Variants in RRM1 observed in about 807,000 individuals in gnomAD.
The protein encoded by RRM1 is ribonucleotide reductase catalytic subunit M1, also known as ribonucleoside-diphosphate reductase large subunit.
A neutral mutation model predicts 101.5 loss-of-function variants in RRM1; 19 were observed. That is an observed-to-expected ratio of 0.19 (90% CI 0.13 to 0.27). RRM1 has a LOEUF of 0.27. RRM1 is among the 10% of genes least tolerant of loss of function. The pLI is 1.00. For missense variants in RRM1, 500 were observed against 962.9 expected, an observed-to-expected ratio of 0.52 and a Z score of 6.36; for synonymous variants, 298 against 323.4, an observed-to-expected ratio of 0.92 and a Z score of 0.84.
intron 9 of RRM1, among the ~76,000 whole-genome samples, chr11:4,120,514 G>GC (rs1409174421): frequency 6.6e-6 from 1 of 151,956 alleles, no homozygotes; most frequent in African/African-American, 2.4e-5. Flanking sequence ...ATAGGCCTGT[G>GC]CCACCACACC....
At chr11:4,100,194 G>A (rs1381955761) in intron 1 of RRM1, among the ~76,000 whole-genome samples, 1 of 152,244 alleles carries the variant, frequency 6.6e-6, no homozygotes, top group African/African-American at 2.4e-5. Context: ...TGGGTTAATA[G>A]TGATGTCTTA....
chr11:4,125,750 C>T (rs1263099403), intron 12 of RRM1, among the ~76,000 whole-genome samples: 1 of 152,052 alleles, frequency 6.6e-6, no homozygotes, highest in Non-Finnish European at 1.5e-5. Flanking sequence ...AAAATTATAC[C>T]CCCTTCATCT....
chr11:4,122,865 T>C (rs1590726210), intron 11 of RRM1, among the ~76,000 whole-genome samples: 1 of 145,894 alleles, frequency 6.9e-6, no homozygotes, highest in Non-Finnish European at 1.5e-5. Flanking sequence ...AGAACGAAAC[T>C]CCGTCTCAAA....
intron 1 of RRM1, among the ~76,000 whole-genome samples, chr11:4,097,959 A>G (rs1385545829): frequency 6.6e-6 from 1 of 152,182 alleles, no homozygotes; most frequent in Non-Finnish European, 1.5e-5. Flanking sequence ...AGTTTTTTTC[A>G]TCTGCTATCT....
At position 4,118,140 on chromosome 11, in the gene RRM1, C is replaced by T. The variant is rs117921130; in HGVS notation, c.651-180C>T. ...GCAAGATGATTTTAAAATGATATTT[C>T]GATATGTTTTATTGTGTCATGTACA... On this transcript the variant is annotated intron_variant, in intron 7 of 18. Transcript: ENST00000300738. Among the ~76,000 whole-genome samples the T allele has an allele frequency of 6.0e-4, 91 of 151,460 alleles. No individual in the cohort carries two copies. The East Asian group carries it at 0.014, about 23-fold the overall frequency.
In RRM1 at chr11:4,102,631, G is replaced by A. The variant is rs180926047; in HGVS notation, c.108+550G>A. Among the ~76,000 whole-genome samples, 1,057 of 147,914 alleles carry A rather than the reference G, an allele frequency of 7.1e-3. 21 individuals carry two copies. Among genetic ancestry groups the A allele is most frequent in the African/African-American group, 0.025 (1,000 of 40,056 alleles). On this transcript the variant is annotated intron_variant, in intron 2 of 18. Transcript: ENST00000300738. ...CGTGCCACTGCACTCCAGCCTGGGC[G>A]ACAGAGCGAGACTCCCTCTCAAAAA...
chr11:4,109,769 T>C (rs572862206), intron 5 of RRM1, 66 bp downstream of exon 5: 4 of 1,368,046 alleles, frequency 2.9e-6, no homozygotes, highest in Admixed American at 3.7e-5. Context: ...ATTTTGTTTA[T>C]GTTTTGGTGA....
intron 7 of RRM1, 125 bp downstream of exon 7, chr11:4,112,187 T>G: frequency 1.5e-6 from 1 of 669,166 alleles, no homozygotes; most frequent in Non-Finnish European, 2.5e-6. Flanking sequence ...ATTTAGATTC[T>G]GGAAAGATCT....
chr11:4,134,676 C>T (rs567754306), intron 17 of RRM1, among the ~76,000 whole-genome samples: 20 of 152,290 alleles, frequency 1.3e-4, no homozygotes, highest in Non-Finnish European at 2.8e-4. Context: ...CATTGCTTCC[C>T]TTGGTCCCTG....
intron 5 of RRM1, among the ~76,000 whole-genome samples, chr11:4,110,700 C>T (rs528524475): frequency 3.4e-5 from 5 of 145,974 alleles, no homozygotes; most frequent in East Asian, 2.1e-4. Context: ...ACTCAGGAGA[C>T]GGAGGTTGCA....
At chr11:4,118,232 TTTG>T in intron 7 of RRM1, 85 bp from the exon 8 acceptor site, 8 of 1,259,846 alleles carry the variant, frequency 6.3e-6, no homozygotes, top group East Asian at 4.8e-5. Context: ...TTTTTTTTTT[TTTG>T]CCTTAGTGTC....
At chr11:4,111,809 C>G (rs554441706) in intron 6 of RRM1, 91 bp from the exon 7 acceptor site, 1 of 1,328,188 alleles carries the variant, frequency 7.5e-7, no homozygotes, top group African/African-American at 1.5e-5. Context: ...TTTCTAGTTT[C>G]CTTTTGGTGT....
intron 9 of RRM1, among the ~76,000 whole-genome samples, chr11:4,120,443 A>C (rs985428995): frequency 6.6e-6 from 1 of 151,710 alleles, no homozygotes; most frequent in African/African-American, 2.4e-5. Context: ...GGCTCACCGT[A>C]GCCTTGACCT....
intron 18 of RRM1, among the ~76,000 whole-genome samples, chr11:4,136,150 C>G (rs1284769603): frequency 6.6e-6 from 1 of 151,956 alleles, no homozygotes; most frequent in Non-Finnish European, 1.5e-5. Context: ...TTTGAGAGTA[C>G]TCCTAGAGGA....
chr11:4,108,830 T>A (rs1403382883), intron 4 of RRM1, among the ~76,000 whole-genome samples: 1 of 152,140 alleles, frequency 6.6e-6, no homozygotes, highest in East Asian at 1.9e-4. Context: ...GGCCCATACC[T>A]GCCTTTGGCA....
At chr11:4,135,413 G>T in intron 18 of RRM1, 143 bp downstream of exon 18, 1 of 596,388 alleles carries the variant, frequency 1.7e-6, no homozygotes, top group Non-Finnish European at 2.7e-6. Context: ...ACCAACCCAT[G>T]GTTTTTGTAC....
At chr11:4,126,476 A>G (rs2094589734) in intron 12 of RRM1, among the ~76,000 whole-genome samples, 1 of 152,226 alleles carries the variant, frequency 6.6e-6, no homozygotes, top group Admixed American at 6.5e-5. Context: ...TTGCTGATGC[A>G]TGTTATAACT....
At chr11:4,098,104 T>A (rs1443112050) in intron 1 of RRM1, among the ~76,000 whole-genome samples, 1 of 152,194 alleles carries the variant, frequency 6.6e-6, no homozygotes, top group Non-Finnish European at 1.5e-5. Flanking sequence ...TAGTGTAGTA[T>A]TTTCAAAACT....
intron 15 of RRM1, among the ~76,000 whole-genome samples, chr11:4,129,355 A>G (rs975981631): frequency 1.3e-5 from 2 of 152,182 alleles, no homozygotes; most frequent in Non-Finnish European, 2.9e-5. Context: ...GGCACAATGA[A>G]AGCATTTCAG....
Sources: gnomAD v4.1 joint callset for allele counts (sites outside exome capture counted in the v4.1 genomes callset) on GRCh38, gnomAD v4.1.1 for gene constraint, MANE v1.5 for transcripts, NCBI Gene and HGNC (gene_info 2026-07-23, HGNC 2026-07-21) for gene names.